Variants in SCPEP1 observed in about 807,000 individuals in gnomAD.
The protein encoded by SCPEP1 is retinoid-inducible serine carboxypeptidase.
SCPEP1 carries 51 observed loss-of-function variants against 63.8 expected under a neutral mutation model. The ratio of observed to expected loss-of-function variants is 0.80; its 90% CI spans 0.64 to 1.01. The LOEUF is 1.01. Among genes scored for constraint, SCPEP1 ranks in the 50% least tolerant of loss-of-function variants. SCPEP1 has a pLI of 0.00. For missense variants in SCPEP1, 499 were observed against 554.9 expected (o/e 0.90, Z 1.01); for synonymous variants, 204 against 207.8 (o/e 0.98, Z 0.16).
chr17:57,005,010 G>A (rs1253832160), intron 12 of SCPEP1, among the ~76,000 whole-genome samples: 3 of 152,234 alleles, frequency 2.0e-5, no homozygotes, highest in Non-Finnish European at 2.9e-5. Context: ...CTAGACAACA[G>A]CAACAGCAAG....
chr17:57,000,965 C>G lies in SCPEP1; in HGVS notation c.1105C>G (p.Gln369Glu), dbSNP rs1296969917. ...AGINVTVYNG[Q>E]LDLIVDTMGQ... ...GATCAACGTGACGGTGTATAATGGACAGCTGGATCTCATCGTAGATACCAT... is the reference window on the plus strand; with the variant it reads ...GATCAACGTGACGGTGTATAATGGAGAGCTGGATCTCATCGTAGATACCAT... The change falls in exon 11 of 13, where the codon CAG (glutamine) becomes GAG (glutamate). Residue 369 changes from glutamine (Q) to glutamate (E), a missense_variant. Physicochemically the swap from Gln to Glu is conservative, Grantham distance 29 (BLOSUM62 2). Coordinates refer to ENST00000262288, the MANE Select transcript of SCPEP1 (RefSeq NM_021626.3). 1 of 1,614,146 alleles carries G rather than the reference C, an allele frequency of 6.2e-7. No individual in the cohort carries two copies. The highest frequency in any genetic ancestry group is 1.7e-5 in the Admixed American group (1 of 60,024).
At chr17:57,003,637 AG>A (rs1297362462) in intron 12 of SCPEP1, among the ~76,000 whole-genome samples, 9 of 152,210 alleles carry the variant, frequency 5.9e-5, no homozygotes, top group Non-Finnish European at 1.2e-4. Context: ...AGGAGCAGCC[AG>A]ATAAGTGAGA....
Position 56,978,215 on chromosome 17 carries a change from T to A in SCPEP1, c.56T>A (p.Leu19Gln). ...CCGCGGTGGTTGCTGCTGCTGCCGCTGCTGCTGGGCCTGAACGCAGGTAGG... is the reference window on the plus strand; with the variant it reads ...CCGCGGTGGTTGCTGCTGCTGCCGCAGCTGCTGGGCCTGAACGCAGGTAGG... ...PVPRWLLLLPLLLGLNAGAVI... is the reference protein window; with the variant it reads ...PVPRWLLLLPQLLGLNAGAVI... Residue 19 changes from leucine to glutamine, a missense_variant, in exon 1 of 13, where the codon CTG (leucine) becomes CAG (glutamine). By Grantham distance (113) the Leu-to-Gln change is moderately radical (BLOSUM62 -2). Transcript: ENST00000262288. 6.4e-7 allele frequency: 1 copy of A among 1,558,234 alleles called. No individual in the cohort carries two copies. The highest frequency in any genetic ancestry group is 8.6e-7 in the Non-Finnish European group (1 of 1,157,630).
At chr17:56,991,719 C>T (rs1567866591) in intron 6 of SCPEP1, among the ~76,000 whole-genome samples, 2 of 152,158 alleles carry the variant, frequency 1.3e-5, no homozygotes. Context: ...AGGGTGTGGC[C>T]CCAGACATCT....
chr17:56,989,007 C>T (rs898536899), intron 5 of SCPEP1, among the ~76,000 whole-genome samples: 3 of 151,052 alleles, frequency 2.0e-5, no homozygotes, highest in Non-Finnish European at 4.4e-5. Context: ...GGCAACATAG[C>T]GACACCCTGT....
intron 9 of SCPEP1, 49 bp from the exon 10 acceptor site, chr17:56,998,336 T>C (rs747241901): frequency 7.8e-7 from 1 of 1,288,236 alleles, no homozygotes; most frequent in South Asian, 1.2e-5. Flanking sequence ...GATGTCCTCT[T>C]GGCCTTACTT....
intron 6 of SCPEP1, among the ~76,000 whole-genome samples, chr17:56,993,400 C>T (rs1480493196): frequency 2.0e-5 from 3 of 152,110 alleles, no homozygotes; most frequent in Admixed American, 2.0e-4. Context: ...GTCAAGTCTG[C>T]CCTGCCGCCT....
chr17:56,990,816 G>C (rs1414236416), intron 5 of SCPEP1, among the ~76,000 whole-genome samples: 1 of 151,914 alleles, frequency 6.6e-6, no homozygotes, highest in Non-Finnish European at 1.5e-5. Flanking sequence ...GTATTTTTTT[G>C]TAGAGATGGG....
intron 10 of SCPEP1, 112 bp downstream of exon 10, chr17:56,998,610 A>T: frequency 1.3e-6 from 1 of 758,552 alleles, no homozygotes; most frequent in Non-Finnish European, 2.3e-6. Context: ...ATGATAGGTT[A>T]TAGGTAAACA....
At chr17:56,978,636 G>T (rs1191162173) in intron 1 of SCPEP1, among the ~76,000 whole-genome samples, 3 of 152,060 alleles carry the variant, frequency 2.0e-5, no homozygotes, top group Non-Finnish European at 4.4e-5. Flanking sequence ...CCACGAATGG[G>T]ACATTTCATT....
Position 57,000,881 on chromosome 17 carries a change from A to T in SCPEP1, c.1021A>T (p.Met341Leu). 1 of 1,614,188 alleles carries T rather than the reference A, an allele frequency of 6.2e-7. No homozygotes were observed. Among genetic ancestry groups the T allele is most frequent in the Non-Finnish European group, 8.5e-7 (1 of 1,180,044 alleles). The change falls in exon 11 of 13, where the codon ATG (methionine) becomes TTG (leucine). Residue 341 changes from methionine (M) to leucine (L), a missense_variant. Physicochemically the swap from Met to Leu is conservative, Grantham distance 15. Transcript: ENST00000262288. ...CCAGGCTACCAACGTCTTTGTGAAC[A>T]TGGAGGAGGACTTCATGAAGCCAGT... ...GGQATNVFVN[M>L]EEDFMKPVIS...
At chr17:56,998,331 C>T (rs780237913) in intron 9 of SCPEP1, 54 bp from the exon 10 acceptor site, 3 of 1,160,404 alleles carry the variant, frequency 2.6e-6, no homozygotes, top group African/African-American at 3.1e-5. Context: ...AAAAAGATGT[C>T]CTCTTGGCCT....
chr17:56,998,453 A>G lies in SCPEP1; in HGVS notation c.949A>G (p.Ile317Val), dbSNP rs767671712. The G allele has an allele frequency of 1.7e-5, 28 of 1,614,030 alleles. No homozygotes were observed. The highest frequency in any genetic ancestry group is 2.2e-5 in the Non-Finnish European group (26 of 1,179,976). Residue 317 changes from isoleucine (I) to valine (V), a missense_variant, in exon 10 of 13, where the codon ATC (isoleucine) becomes GTC (valine). Ile to Val is a conservative substitution (Grantham distance 29, BLOSUM62 3). Transcript: ENST00000262288. ...CTTAAGCCAGCTCATGAATGGCCCCATCAGAAAGAAGCTCAAAATTATTCC... is the reference window on the plus strand; with the variant it reads ...CTTAAGCCAGCTCATGAATGGCCCCGTCAGAAAGAAGCTCAAAATTATTCC... ...DALSQLMNGP[I>V]RKKLKIIPED...
rs1449353954 is a variant in SCPEP1 at position 56,996,837 on chromosome 17, G to T, written c.787-125G>T. 7 of 577,224 alleles carry T rather than the reference G, an allele frequency of 1.2e-5. No homozygotes were observed. The African/African-American group carries it at 1.3e-4, about 11-fold the overall frequency. The allele number at this position is 577,224 out of a possible 1,614,324, so 35.8% of individuals were successfully genotyped here. ...CCCAGCCAAAGCTCTATTTCTTTCT[G>T]ATCCAAGCAGATATACAAAATTAAA... On this transcript the variant is annotated intron_variant, in intron 8 of 12. Transcript: ENST00000262288.
At chr17:57,005,954 G>A (rs1911878206) in intron 12 of SCPEP1, among the ~76,000 whole-genome samples, 1 of 152,144 alleles carries the variant, frequency 6.6e-6, no homozygotes, top group Non-Finnish European at 1.5e-5. Context: ...ACTTCTCCAG[G>A]TCCCTGCCAC....
Position 56,986,422 on chromosome 17 carries a change from G to A in SCPEP1, c.315+955G>A, listed in dbSNP as rs1911220718. Among the ~76,000 whole-genome samples, 3 of 151,980 alleles carry A rather than the reference G, an allele frequency of 2.0e-5. No homozygotes were observed. In the South Asian group the frequency reaches 6.2e-4, roughly 31 times the overall value. ...TTTAGGAGAGACGGGGTTTTACCAT[G>A]CTGGTCAGGCTGGTCTTAAACTCTT... On this transcript the variant is annotated intron_variant, in intron 3 of 12. Transcript: ENST00000262288.
Position 56,995,611 on chromosome 17 carries a change from G to C in SCPEP1, c.762G>C (p.Gly254=). The C allele has an allele frequency of 6.2e-7, 1 of 1,613,980 alleles. No individual in the cohort carries two copies. The highest frequency in any genetic ancestry group is 8.5e-7 in the Non-Finnish European group (1 of 1,179,966). Residue 254 remains glycine (G), a synonymous_variant, in exon 8 of 13, where the codon GGG becomes GGC. Transcript: ENST00000262288. ...ACAGAGAGGCCACAGAGCTGTGGGG[G>C]AAAGCAGAAATGATCATTGAACAGG... ...GLYREATELW[G]KAEMIIEQNT...
chr17:56,979,632 TA>T (rs558798440), intron 1 of SCPEP1, among the ~76,000 whole-genome samples: 11 of 152,320 alleles, frequency 7.2e-5, no homozygotes, highest in South Asian at 2.1e-4. Context: ...AAATTGGAGT[TA>T]GGGGATTATA....
At chr17:56,999,781 G>A (rs1376327284) in intron 10 of SCPEP1, among the ~76,000 whole-genome samples, 4 of 152,258 alleles carry the variant, frequency 2.6e-5, no homozygotes, top group East Asian at 3.9e-4. Flanking sequence ...TCGGGAGTTC[G>A]AGACCAGCCT....
Sources: gnomAD v4.1 joint callset for allele counts (sites outside exome capture counted in the v4.1 genomes callset) on GRCh38, gnomAD v4.1.1 for gene constraint, MANE v1.5 for transcripts, NCBI Gene and HGNC (gene_info 2026-07-23, HGNC 2026-07-21) for gene names.